Variants in DGKI observed in about 807,000 individuals in gnomAD.
The protein encoded by DGKI is DAG kinase iota.
Under a neutral mutation model 147.5 loss-of-function variants are expected in DGKI, and 55 were observed. The ratio of observed to expected loss-of-function variants is 0.37; its 90% CI spans 0.30 to 0.47. The LOEUF (loss-of-function observed/expected upper bound fraction) is 0.47. Among genes scored for constraint, DGKI ranks in the 20% least tolerant of loss-of-function variants. DGKI has a pLI of 1.00. For missense variants in DGKI, 1,007 were observed against 1,323.8 expected (o/e 0.76, Z 3.71); for synonymous variants, 469 against 477.1 (o/e 0.98, Z 0.22).
intron 1 of DGKI, among the ~76,000 whole-genome samples, chr7:137,753,031 C>G (rs1320550143): frequency 7.5e-6 from 1 of 134,060 alleles, no homozygotes; most frequent in African/African-American, 3.4e-5. Flanking sequence ...CATGCTAGTA[C>G]ATACGAATGT....
chr7:137,651,614 C>T (rs1285346813), intron 5 of DGKI, among the ~76,000 whole-genome samples: 1 of 152,162 alleles, frequency 6.6e-6, no homozygotes, highest in Non-Finnish European at 1.5e-5. Flanking sequence ...TAGGAGTTGT[C>T]AGCCCACATG....
At position 137,407,921 on chromosome 7, in the gene DGKI, T is replaced by C; in HGVS notation, c.2874A>G (p.Ala958=). The C allele has an allele frequency of 1.2e-6, 2 of 1,614,154 alleles. No homozygotes were observed. Among genetic ancestry groups the C allele is most frequent in the Non-Finnish European group, 1.7e-6 (2 of 1,179,980 alleles). ...CAATCTCCCCGTTGCCGGTTTTAGC[T>C]GCGTAGTGAAGGAGTGAACAGTGGT... ...GPDHCSLLHY[A]AKTGNGEIVK... Residue 958 remains alanine (A), a synonymous_variant, in exon 30 of 33, where the codon GCA becomes GCG. Coordinates refer to ENST00000614521, the MANE Select transcript of DGKI (RefSeq NM_001321708.2).
chr7:137,503,756 A>G (rs1334381889), intron 21 of DGKI, among the ~76,000 whole-genome samples: 1 of 152,126 alleles, frequency 6.6e-6, no homozygotes, highest in African/African-American at 2.4e-5. Flanking sequence ...GGCCCAATGT[A>G]CTGAGAAAGA....
intron 1 of DGKI, among the ~76,000 whole-genome samples, chr7:137,744,428 T>A (rs1795266845): frequency 6.6e-6 from 1 of 151,998 alleles, no homozygotes. Flanking sequence ...CAAAAAAACC[T>A]GGGACCACAT....
At chr7:137,775,992 G>T (rs1429904072) in intron 1 of DGKI, among the ~76,000 whole-genome samples, 1 of 151,970 alleles carries the variant, frequency 6.6e-6, no homozygotes, top group Non-Finnish European at 1.5e-5. Context: ...CCGAGTAGCT[G>T]GGATTATAAG....
intron 1 of DGKI, among the ~76,000 whole-genome samples, chr7:137,747,047 C>G (rs999943104): frequency 6.6e-6 from 1 of 152,004 alleles, no homozygotes; most frequent in Admixed American, 6.6e-5. Flanking sequence ...TTATTTCTAG[C>G]GATTTGCTAG....
At chr7:137,593,499 C>A (rs1346601170) in intron 12 of DGKI, among the ~76,000 whole-genome samples, 2 of 152,166 alleles carry the variant, frequency 1.3e-5, no homozygotes, top group Non-Finnish European at 2.9e-5. Flanking sequence ...TGGGATCAGA[C>A]CATCTGACAG....
At chr7:137,711,852 C>T (rs1457021728) in intron 1 of DGKI, among the ~76,000 whole-genome samples, 1 of 151,782 alleles carries the variant, frequency 6.6e-6, no homozygotes, top group Non-Finnish European at 1.5e-5. Flanking sequence ...CACCAACACA[C>T]CCAGCTAGTT....
intron 1 of DGKI, among the ~76,000 whole-genome samples, chr7:137,844,896 C>G (rs1798664170): frequency 6.6e-6 from 1 of 152,202 alleles, no homozygotes; most frequent in African/African-American, 2.4e-5. Flanking sequence ...GTAATCACCA[C>G]CCCCTTCCAA....
At chr7:137,740,583 A>C (rs1164838148) in intron 1 of DGKI, among the ~76,000 whole-genome samples, 1 of 152,232 alleles carries the variant, frequency 6.6e-6, no homozygotes, top group Non-Finnish European at 1.5e-5. Flanking sequence ...ACTAGAAATT[A>C]GCCAGACCAG....
intron 28 of DGKI, among the ~76,000 whole-genome samples, chr7:137,437,675 C>A (rs1169793535): frequency 1.3e-5 from 2 of 152,062 alleles, no homozygotes; most frequent in Admixed American, 1.3e-4. Context: ...TCAATTATAA[C>A]CAAGTCACTC....
At chr7:137,488,970 A>G (rs948306481) in intron 21 of DGKI, among the ~76,000 whole-genome samples, 2 of 152,136 alleles carry the variant, frequency 1.3e-5, no homozygotes, top group African/African-American at 4.8e-5. Context: ...GCCTCACTTG[A>G]CGTTTTAGCT....
intron 12 of DGKI, among the ~76,000 whole-genome samples, chr7:137,590,368 C>T (rs1390059718): frequency 6.6e-6 from 1 of 152,194 alleles, no homozygotes; most frequent in Non-Finnish European, 1.5e-5. Context: ...TTCCCAAAAG[C>T]CCAGTGACAT....
intron 28 of DGKI, among the ~76,000 whole-genome samples, chr7:137,436,848 A>C (rs1338557092): frequency 6.6e-6 from 1 of 152,230 alleles, no homozygotes; most frequent in Admixed American, 6.5e-5. Flanking sequence ...ATTTCTATTT[A>C]AAAATCAATT....
rs1244446970 is a variant in DGKI, at chr7:137,387,021, T to C, written c.*4199A>G. Reference sequence around the variant, plus strand: ...TAGCATAATTGAATAAAATATGCTGTTCTCAGTGATTTCATTAGCTACTCC... The same window carrying C: ...TAGCATAATTGAATAAAATATGCTGCTCTCAGTGATTTCATTAGCTACTCC... On this transcript the variant is annotated 3_prime_UTR_variant, in exon 33 of 33. Transcript: ENST00000614521. The C allele has an allele frequency of 2.0e-5, 3 of 152,110 alleles. No homozygotes were observed. Among genetic ancestry groups the C allele is most frequent in the African/African-American group, 7.2e-5 (3 of 41,422 alleles). 9.4% of individuals were successfully genotyped at this position (152,110 alleles called of 1,614,324 possible).
rs148845480 is a variant in DGKI, at chr7:137,593,295, T to G, written c.1311+4552A>C. Reference sequence around the variant, plus strand: ...ATGAGAGTACGTGAGCCTCAGGAGATCAGTTCATGTGCTCGTCAATATTTC... The same window carrying G: ...ATGAGAGTACGTGAGCCTCAGGAGAGCAGTTCATGTGCTCGTCAATATTTC... On this transcript the variant is annotated intron_variant, in intron 12 of 32. Coordinates refer to ENST00000614521, the MANE Select transcript of DGKI (RefSeq NM_001321708.2). Among the ~76,000 whole-genome samples, 61 of 152,188 alleles carry G rather than the reference T, an allele frequency of 4.0e-4. No individual in the cohort carries two copies. In the East Asian group the frequency reaches 0.012, roughly 29 times the overall value.
chr7:137,579,436 T>TAAAAAAAAAAAAAA (rs71533758), intron 15 of DGKI, among the ~76,000 whole-genome samples: 3 of 108,196 alleles, frequency 2.8e-5, no homozygotes, highest in Admixed American at 1.0e-4. Context: ...ACAGAAACAG[T>TAAAAAAAAAAAAAA]AAAAAAAAAA....
chr7:137,483,536 C>T (rs1585158920), intron 23 of DGKI, among the ~76,000 whole-genome samples: 3 of 152,146 alleles, frequency 2.0e-5, no homozygotes, highest in Middle Eastern at 3.4e-3. Flanking sequence ...CTGCACCCAT[C>T]AACCCATACC....
chr7:137,752,127 TCTATC>T (rs1481108771), intron 1 of DGKI, among the ~76,000 whole-genome samples: 1 of 152,156 alleles, frequency 6.6e-6, no homozygotes, highest in Non-Finnish European at 1.5e-5. Context: ...AGAAACCTCT[TCTATC>T]CTATTCCAAA....
Sources: allele counts gnomAD v4.1 joint callset (sites outside exome capture counted in the v4.1 genomes callset), GRCh38; gene constraint gnomAD v4.1.1; transcripts MANE v1.5; gene names NCBI Gene and HGNC (gene_info 2026-07-23, HGNC 2026-07-21).